The following MTRR variants were observed in gnomAD, a reference collection of about 807,000 sequenced individuals.
MTRR encodes the protein methionine synthase reductase.
Under a neutral mutation model 79.2 loss-of-function variants are expected in MTRR, and 63 were observed. The ratio of observed to expected loss-of-function variants is 0.80; its 90% CI spans 0.65 to 0.98. MTRR has a LOEUF of 0.98. MTRR is among the 50% of genes least tolerant of loss of function. The probability of loss-of-function intolerance (pLI) is 0.00; values close to 1 mark genes in which losing one functional copy is unlikely to be tolerated. For missense variants in MTRR, 895 were observed against 839.6 expected (o/e 1.07, Z -0.82); for synonymous variants, 355 against 313.3 (o/e 1.13, Z -1.41).
In MTRR at chr5:7,885,563, T is replaced by TG. The variant is rs199744326; in HGVS notation, c.904-138_904-137insG. 18 of 557,996 alleles carry TG rather than the reference T, an allele frequency of 3.2e-5. No individual in the cohort carries two copies. The Admixed American group carries it at 6.7e-4, about 21-fold the overall frequency. The allele number at this position is 557,996 out of a possible 1,614,324, so 34.6% of individuals were successfully genotyped here. A position where few individuals can be genotyped will look rare whatever the true frequency, so the allele number is the denominator to read the frequency against. ...GCTTATTTTTTAAAACAATTGTGTG[T>TG]TTTTTTTTTTGAAATTCTATTTTCT... On this transcript the variant is annotated intron_variant, in intron 6 of 14. Coordinates refer to ENST00000440940, the MANE Select transcript of MTRR (RefSeq NM_002454.3).
At chr5:7,875,515 C>T (rs1396438973) in intron 4 of MTRR, 140 bp downstream of exon 4, 1 of 812,156 alleles carries the variant, frequency 1.2e-6, no homozygotes, top group African/African-American at 1.7e-5. Context: ...CTTTAGGATC[C>T]AAGAGGGTCA....
At position 7,900,269 on chromosome 5, in the gene MTRR, G is replaced by C. The variant is rs924439720; in HGVS notation, c.*211G>C. 29 of 578,270 alleles carry C rather than the reference G, an allele frequency of 5.0e-5. No individual in the cohort carries two copies. The highest frequency in any genetic ancestry group is 7.9e-5 in the Non-Finnish European group (27 of 340,584). The allele number at this position is 578,270 out of a possible 1,614,324, so 35.8% of individuals were successfully genotyped here. Reference sequence around the variant, plus strand: ...CTATCTACGCCCTTCCTGTGCCTGTGACTCTCCCCAAATTGCCCTGTTGCC... The same window carrying C: ...CTATCTACGCCCTTCCTGTGCCTGTCACTCTCCCCAAATTGCCCTGTTGCC... On this transcript the variant is annotated 3_prime_UTR_variant, in exon 15 of 15. Transcript: ENST00000440940.
chr5:7,865,953 C>T (rs1327694983), upstream of MTRR: 29 of 1,613,820 alleles, frequency 1.8e-5, no homozygotes, highest in Non-Finnish European at 2.3e-5. Context: ...CAGTTGTGCC[C>T]GACTCAATGT....
At chr5:7,885,962 T>C in intron 7 of MTRR, 108 bp downstream of exon 7, 4 of 1,430,514 alleles carry the variant, frequency 2.8e-6, no homozygotes, top group Non-Finnish European at 3.9e-6. Context: ...GCCGCACAGA[T>C]GCCTGGGGCT....
At chr5:7,891,967 G>T (rs1260276558) in intron 10 of MTRR, among the ~76,000 whole-genome samples, 1 of 152,072 alleles carries the variant, frequency 6.6e-6, no homozygotes, top group Non-Finnish European at 1.5e-5. Context: ...GCGTGAACCC[G>T]GGAGGCGGAG....
intron 3 of MTRR, 146 bp downstream of exon 3, chr5:7,873,672 A>C (rs1579621135): frequency 1.0e-6 from 1 of 961,578 alleles, no homozygotes; most frequent in East Asian, 2.6e-5. Flanking sequence ...AAATGTATGT[A>C]ATGTGCTACC....
intron 1 of MTRR, among the ~76,000 whole-genome samples, chr5:7,860,719 G>A (rs902037667): frequency 6.6e-5 from 10 of 152,230 alleles, no homozygotes; most frequent in African/African-American, 2.4e-4. Flanking sequence ...GACCAAGCCA[G>A]TTGGGCCTTG....
intron 1 of MTRR, among the ~76,000 whole-genome samples, chr5:7,860,142 C>T (rs776999610): frequency 4.6e-5 from 7 of 152,040 alleles, no homozygotes; most frequent in Admixed American, 6.6e-5. Context: ...ATTCTGTAAG[C>T]AGTAAAGAAA....
At position 7,875,298 on chromosome 5, in the gene MTRR, G is replaced by T. The variant is rs1748685893; in HGVS notation, c.324G>T (p.Gly108=). 2 of 1,613,876 alleles carry T rather than the reference G, an allele frequency of 1.2e-6. No individual in the cohort carries two copies. Among genetic ancestry groups the T allele is most frequent in the East Asian group, 4.5e-5 (2 of 44,846 alleles). Residue 108 remains glycine (G), a synonymous_variant, in exon 4 of 15, where the codon GGG becomes GGT. Coordinates refer to ENST00000440940, the MANE Select transcript of MTRR (RefSeq NM_002454.3). The part of the protein sequence containing the change: ...DSEYTYFCNG[G]KIIDKRLQEL... ...AATACACCTACTTTTGCAATGGGGG[G>T]AAGATAATTGATAAACGACTTCAAG...
chr5:7,866,841 A>G, upstream of MTRR: 1 of 1,614,112 alleles, frequency 6.2e-7, no homozygotes, highest in East Asian at 2.2e-5. Flanking sequence ...AGTTTCCCAA[A>G]TGGTTCCATT....
intron 11 of MTRR, chr5:7,893,226 T>C (rs988203789): frequency 2.5e-5 from 9 of 362,312 alleles, no homozygotes; most frequent in African/African-American, 6.3e-5. Context: ...TGGAGAACTG[T>C]CTAGGAAGTA....
intron 1 of MTRR, among the ~76,000 whole-genome samples, chr5:7,860,934 T>C (rs1746492131): frequency 6.6e-6 from 1 of 152,200 alleles, no homozygotes; most frequent in Non-Finnish European, 1.5e-5. Flanking sequence ...ACCAGTCAAG[T>C]AGATTCTTTG....
chr5:7,853,848 C>T (rs1183044875), intron 1 of MTRR, among the ~76,000 whole-genome samples: 1 of 152,118 alleles, frequency 6.6e-6, no homozygotes, highest in Non-Finnish European at 1.5e-5. Flanking sequence ...AGCCCTAGGG[C>T]TGACAGCAAA....
At chr5:7,866,874 A>C (rs1746995029), upstream of MTRR, 1 of 1,614,100 alleles carries the variant, frequency 6.2e-7, no homozygotes, top group Non-Finnish European at 8.5e-7. Flanking sequence ...TGACGAGGTG[A>C]AAATTTTTCT....
chr5:7,873,625 TG>T lies in MTRR; in HGVS notation c.283+100del, dbSNP rs548813608. ...CTATGAAGTGTGATCATATAGGTTT[TG>T]TCTTTCTTATGTAAATATTATGTAT... On this transcript the variant is annotated intron_variant, in intron 3 of 14. Coordinates refer to ENST00000440940, the MANE Select transcript of MTRR (RefSeq NM_002454.3). 135 of 1,390,244 alleles carry T rather than the reference TG, an allele frequency of 9.7e-5. No individual in the cohort carries two copies. In the African/African-American group the frequency reaches 1.4e-3, roughly 15 times the overall value. The allele number at this position is 1,390,244 out of a possible 1,614,324, so 86.1% of individuals were successfully genotyped here.
rs5865743 is a variant in MTRR at position 7,874,588 on chromosome 5, C to CTT, written c.284-649_284-648dup. 9.6e-3 allele frequency among the ~76,000 whole-genome samples: 1,040 copies of CTT among 108,176 alleles called. 30 individuals are homozygous for CTT. Among genetic ancestry groups the CTT allele is most frequent in the African/African-American group, 0.034 (924 of 27,486 alleles). The allele number at this position is 108,176 out of a possible 152,430, so 71.0% of individuals were successfully genotyped here. A position where few individuals can be genotyped will look rare whatever the true frequency, so the allele number is the denominator to read the frequency against. On this transcript the variant is annotated intron_variant, in intron 3 of 14. Transcript: ENST00000440940. ...TGCCTGCACAACTGAGGGATTTAAG[C>CTT]TTTTTTTTTTTTTTTTTTTTTTACA...
chr5:7,857,912 A>G (rs912266556), intron 1 of MTRR, among the ~76,000 whole-genome samples: 1 of 152,238 alleles, frequency 6.6e-6, no homozygotes, highest in Admixed American at 6.5e-5. Flanking sequence ...AAAAGCTTGC[A>G]ATGGATGAGA....
intron 7 of MTRR, 142 bp from the exon 8 acceptor site, chr5:7,886,473 G>T (rs1579730413): frequency 1.3e-5 from 6 of 468,048 alleles, no homozygotes; most frequent in South Asian, 4.3e-5. Flanking sequence ...GAATTTTTTT[G>T]GCTGAATAAA....
intron 1 of MTRR, among the ~76,000 whole-genome samples, chr5:7,860,469 T>C (rs529105501): frequency 1.2e-4 from 19 of 152,372 alleles, no homozygotes; most frequent in Admixed American, 3.9e-4. Context: ...ATTCCAACAA[T>C]TGAGTAATTC....
Sources: gnomAD v4.1 joint callset for allele counts (sites outside exome capture counted in the v4.1 genomes callset) on GRCh38, gnomAD v4.1.1 for gene constraint, MANE v1.5 for transcripts, NCBI Gene and HGNC (gene_info 2026-07-23, HGNC 2026-07-21) for gene names.